The following WDFY4 variants were observed in gnomAD, a reference collection of about 807,000 sequenced individuals.
The protein encoded by WDFY4 is WD repeat- and FYVE domain-containing protein 4.
WDFY4 carries 169 observed loss-of-function variants against 351.9 expected under a neutral mutation model. The observed-to-expected ratio is 0.48, with a 90% CI of 0.42 to 0.55. The LOEUF (loss-of-function observed/expected upper bound fraction) is 0.55. Among genes scored for constraint, WDFY4 ranks in the 20% least tolerant of loss-of-function variants. WDFY4 has a pLI of 0.00. For synonymous variants in WDFY4, 1,622 were observed against 1,574.6 expected, an observed-to-expected ratio of 1.03 and a Z score of -0.71; for missense variants, 3,803 against 3,935.6, an observed-to-expected ratio of 0.97 and a Z score of 0.90.
intron 40 of WDFY4, among the ~76,000 whole-genome samples, chr10:48,872,001 C>A (rs921543678): frequency 6.6e-6 from 1 of 152,126 alleles, no homozygotes; most frequent in Non-Finnish European, 1.5e-5. Flanking sequence ...TATTATGGTA[C>A]TATTATTAAC....
chr10:48,875,685 G>T (rs2069971164), intron 42 of WDFY4, among the ~76,000 whole-genome samples: 2 of 152,226 alleles, frequency 1.3e-5, no homozygotes, highest in Admixed American at 1.3e-4. Context: ...AGAGTGCTAG[G>T]ATTATAGCCA....
At chr10:48,966,978 C>T (rs1488362632) in intron 55 of WDFY4, 1 of 380,988 alleles carries the variant, frequency 2.6e-6, no homozygotes, top group South Asian at 4.4e-5. Context: ...CTTCCTCTTC[C>T]TCTCTTTTAT....
chr10:48,891,211 G>A (rs570113006), intron 44 of WDFY4, among the ~76,000 whole-genome samples: 2 of 152,342 alleles, frequency 1.3e-5, no homozygotes, highest in South Asian at 4.2e-4. Context: ...GCCTGGGACT[G>A]GAGTGGTGGG....
At chr10:48,753,380 A>T (rs895920886) in intron 12 of WDFY4, among the ~76,000 whole-genome samples, 2 of 152,138 alleles carry the variant, frequency 1.3e-5, no homozygotes, top group Non-Finnish European at 2.9e-5. Context: ...GATGAAGTCC[A>T]GTTTATCCAT....
At chr10:48,852,558 G>T (rs1264695359) in intron 39 of WDFY4, among the ~76,000 whole-genome samples, 1 of 152,140 alleles carries the variant, frequency 6.6e-6, no homozygotes, top group Non-Finnish European at 1.5e-5. Context: ...ATTCTCCCAA[G>T]CATTCACCAC....
At chr10:48,906,750 G>A (rs955265626) in intron 47 of WDFY4, among the ~76,000 whole-genome samples, 2 of 152,206 alleles carry the variant, frequency 1.3e-5, no homozygotes, top group Non-Finnish European at 2.9e-5. Flanking sequence ...GCTACAGACA[G>A]CTTCAAAATT....
intron 39 of WDFY4, among the ~76,000 whole-genome samples, chr10:48,840,851 A>C (rs2068580371): frequency 6.6e-6 from 1 of 152,178 alleles, no homozygotes; most frequent in Non-Finnish European, 1.5e-5. Flanking sequence ...AATACATGTA[A>C]ATGAACAAAG....
intron 12 of WDFY4, among the ~76,000 whole-genome samples, chr10:48,755,090 C>A (rs948329239): frequency 1.3e-5 from 2 of 152,154 alleles, no homozygotes; most frequent in Non-Finnish European, 2.9e-5. Context: ...CATAGTAAAA[C>A]CTTTTCTCCA....
intron 47 of WDFY4, 27 bp from the exon 48 acceptor site, chr10:48,941,779 T>G (rs1466852480): frequency 1.3e-6 from 2 of 1,551,420 alleles, no homozygotes; most frequent in Admixed American, 2.0e-5. Context: ...GTATATTTAG[T>G]CACCACCTTG....
intron 19 of WDFY4, among the ~76,000 whole-genome samples, chr10:48,784,942 C>G (rs2066354541): frequency 6.7e-6 from 1 of 149,820 alleles, no homozygotes; most frequent in African/African-American, 2.5e-5. Context: ...ACTATAAGCT[C>G]CGCCTCCTGG....
chr10:48,866,689 T>C (rs570994793), intron 39 of WDFY4, among the ~76,000 whole-genome samples: 1 of 152,286 alleles, frequency 6.6e-6, no homozygotes. Flanking sequence ...CAGTCATTCT[T>C]AGGAGGAAGG....
chr10:48,953,107 C>A (rs751989965), intron 51 of WDFY4, among the ~76,000 whole-genome samples: 2 of 152,118 alleles, frequency 1.3e-5, no homozygotes, highest in Non-Finnish European at 2.9e-5. Flanking sequence ...CCCCTGTACC[C>A]CACCTCCTAC....
intron 24 of WDFY4, among the ~76,000 whole-genome samples, chr10:48,799,722 G>A (rs1049550535): frequency 6.6e-6 from 1 of 152,112 alleles, no homozygotes; most frequent in Non-Finnish European, 1.5e-5. Flanking sequence ...GCAGTGAGCC[G>A]AGATCATGCC....
In WDFY4 at chr10:48,915,130, C is replaced by T. The variant is rs115446469; in HGVS notation, c.7586+13267C>T. ...GCTTGTGTTTTCTTATTTGTGAAAA[C>T]AGACACCCTTACAGAGCTATGAGGG... On this transcript the variant is annotated intron_variant, in intron 47 of 61. Transcript: ENST00000325239. Among the ~76,000 whole-genome samples the T allele has an allele frequency of 4.8e-3, 731 of 152,298 alleles. 1 individual carries two copies. Among genetic ancestry groups the T allele is most frequent in the Admixed American group, 0.011 (161 of 15,296 alleles).
At chr10:48,794,766 C>T (rs1282174721) in intron 23 of WDFY4, among the ~76,000 whole-genome samples, 1 of 152,194 alleles carries the variant, frequency 6.6e-6, no homozygotes, top group African/African-American at 2.4e-5. Flanking sequence ...AAGAATAGCA[C>T]AAACAAAGGA....
intron 47 of WDFY4, among the ~76,000 whole-genome samples, chr10:48,911,843 G>C (rs1838033465): frequency 6.6e-6 from 1 of 152,164 alleles, no homozygotes; most frequent in Admixed American, 6.5e-5. Context: ...TTTGAATCTA[G>C]ATCTCCCAAG....
At chr10:48,883,557 C>T (rs1030000011) in intron 43 of WDFY4, among the ~76,000 whole-genome samples, 3 of 152,236 alleles carry the variant, frequency 2.0e-5, no homozygotes, top group African/African-American at 7.2e-5. Flanking sequence ...CTAAGCGAAA[C>T]ATGCCCACGA....
chr10:48,914,297 T>G (rs1034858262), intron 47 of WDFY4: 2 of 883,376 alleles, frequency 2.3e-6, no homozygotes, highest in Non-Finnish European at 3.4e-6. Flanking sequence ...CCCCACGTCA[T>G]GACGCTTTGC....
intron 56 of WDFY4, 77 bp downstream of exon 56, chr10:48,969,325 ATAAG>A (rs887057397): frequency 6.6e-7 from 1 of 1,505,524 alleles, no homozygotes; most frequent in African/African-American, 1.4e-5. Context: ...TGGCCCAGAG[ATAAG>A]TGAGTCCAAA....
Sources: gnomAD v4.1 joint callset for allele counts (sites outside exome capture counted in the v4.1 genomes callset) on GRCh38, gnomAD v4.1.1 for gene constraint, MANE v1.5 for transcripts, NCBI Gene and HGNC (gene_info 2026-07-23, HGNC 2026-07-21) for gene names.